Variants in FAF2 observed in about 807,000 individuals in gnomAD.
The protein encoded by FAF2 is Fas associated factor family member 2.
FAF2 carries 9 observed loss-of-function variants against 62.3 expected under a neutral mutation model. The ratio of observed to expected loss-of-function variants is 0.14; its 90% CI spans 0.09 to 0.25. The LOEUF is 0.25. Among genes scored for constraint, FAF2 ranks in the 10% least tolerant of loss-of-function variants. FAF2 has a pLI of 1.00. For missense variants in FAF2, 368 were observed against 556.2 expected, an observed-to-expected ratio of 0.66 and a Z score of 3.40; for synonymous variants, 202 against 198.0, an observed-to-expected ratio of 1.02 and a Z score of -0.17.
At chr5:176,458,778 T>C (rs1394768016) in intron 1 of FAF2, among the ~76,000 whole-genome samples, 1 of 152,198 alleles carries the variant, frequency 6.6e-6, no homozygotes, top group Admixed American at 6.6e-5. Context: ...TTGTACCTCA[T>C]GGTCTGACTT....
At position 176,507,115 on chromosome 5, in the gene FAF2, T is replaced by TG; in HGVS notation, c.*165_*166insG. ...AAGACTGCTGCATCCTTAGGAAGGA[T>TG]CAGAAACCATGCTGCCCGTAAGAGT... On this transcript the variant is annotated 3_prime_UTR_variant, in exon 11 of 11. Transcript: ENST00000261942. 2.9e-6 allele frequency: 1 copy of TG among 347,396 alleles called. No individual in the cohort carries two copies. The highest frequency in any genetic ancestry group is 4.5e-6 in the Non-Finnish European group (1 of 220,504). 21.5% of individuals were successfully genotyped at this position (347,396 alleles called of 1,614,324 possible).
chr5:176,476,970 C>T (rs1045493185), intron 1 of FAF2, among the ~76,000 whole-genome samples: 7 of 151,672 alleles, frequency 4.6e-5, no homozygotes, highest in East Asian at 1.9e-4. Flanking sequence ...CCACCATGCC[C>T]GGCTAATTTT....
rs531489830 is a variant in FAF2 at position 176,461,626 on chromosome 5, C to A, written c.63+13156C>A. 7.6e-4 allele frequency among the ~76,000 whole-genome samples: 115 copies of A among 151,694 alleles called. 1 individual carries two copies. Among genetic ancestry groups the A allele is most frequent in the Non-Finnish European group, 1.3e-3 (86 of 67,946 alleles). Reference sequence around the variant, plus strand: ...TACTGGTATGAGCCACTCGGCCTGGCTTTTGCCAGTTTTTTTTTAATGGGG... The same window carrying A: ...TACTGGTATGAGCCACTCGGCCTGGATTTTGCCAGTTTTTTTTTAATGGGG... On this transcript the variant is annotated intron_variant, in intron 1 of 10. Transcript: ENST00000261942.
intron 1 of FAF2, among the ~76,000 whole-genome samples, chr5:176,462,235 C>T (rs1758390883): frequency 6.6e-6 from 1 of 152,020 alleles, no homozygotes; most frequent in Admixed American, 6.6e-5. Context: ...GAGATCGCAA[C>T]ATTGCACTCC....
chr5:176,474,434 A>G (rs1758624890), intron 1 of FAF2, among the ~76,000 whole-genome samples: 1 of 150,442 alleles, frequency 6.6e-6, no homozygotes, highest in Non-Finnish European at 1.5e-5. Context: ...TTCATTTCCA[A>G]AGTTTCTTAG....
intron 1 of FAF2, among the ~76,000 whole-genome samples, chr5:176,473,165 A>G (rs1758604016): frequency 6.6e-6 from 1 of 152,180 alleles, no homozygotes. Context: ...TTTGTGTTCC[A>G]GGATCCCATT....
intron 1 of FAF2, among the ~76,000 whole-genome samples, chr5:176,461,496 T>A (rs900348725): frequency 3.3e-5 from 5 of 151,398 alleles, no homozygotes; most frequent in African/African-American, 4.9e-5. Context: ...TTTTTTTATT[T>A]TATTTTTTTT....
intron 1 of FAF2, among the ~76,000 whole-genome samples, chr5:176,460,888 GT>G (rs1043909762): frequency 6.6e-6 from 1 of 151,992 alleles, no homozygotes; most frequent in Admixed American, 6.6e-5. Flanking sequence ...GGAGATGGAG[GT>G]TGCAATGAGC....
intron 1 of FAF2, among the ~76,000 whole-genome samples, chr5:176,465,036 C>A (rs369404220): frequency 2.0e-4 from 30 of 152,132 alleles, no homozygotes; most frequent in African/African-American, 7.2e-4. Flanking sequence ...TATAGGCATG[C>A]GCCACTACCA....
Position 176,492,245 on chromosome 5 carries a change from C to A in FAF2, c.396C>A (p.Pro132=). ...ACCCTCGCAGCCGGGTCACTGACCC[C>A]GTTGGGGACATTGTTTCATTTATGC... ...RPDPRSRVTD[P]VGDIVSFMHS... Residue 132 remains proline, a synonymous_variant, in exon 5 of 11, where the codon CCC becomes CCA. Transcript: ENST00000261942. 1 of 1,614,096 alleles carries A rather than the reference C, an allele frequency of 6.2e-7. No homozygotes were observed. Among genetic ancestry groups the A allele is most frequent in the Non-Finnish European group, 8.5e-7 (1 of 1,180,010 alleles).
intron 1 of FAF2, among the ~76,000 whole-genome samples, chr5:176,468,786 A>G (rs1758513688): frequency 7.6e-6 from 1 of 130,728 alleles, no homozygotes; most frequent in South Asian, 2.2e-4. Context: ...CCAAAAAAAC[A>G]AAAAAAAAAA....
intron 1 of FAF2, among the ~76,000 whole-genome samples, chr5:176,461,069 G>A (rs1482767282): frequency 6.7e-6 from 1 of 150,236 alleles, no homozygotes; most frequent in Non-Finnish European, 1.5e-5. Context: ...CTGGAGTGCA[G>A]TAGTGCCATC....
chr5:176,468,150 A>C (rs981806852), intron 1 of FAF2, among the ~76,000 whole-genome samples: 1 of 152,142 alleles, frequency 6.6e-6, no homozygotes, highest in Non-Finnish European at 1.5e-5. Flanking sequence ...GGACGACAAG[A>C]GTGAGAATCT....
intron 1 of FAF2, among the ~76,000 whole-genome samples, chr5:176,476,721 C>T (rs1758698907): frequency 6.7e-6 from 1 of 149,344 alleles, no homozygotes; most frequent in African/African-American, 2.5e-5. Flanking sequence ...CAACCTCTGC[C>T]TCCTGGGTTC....
At chr5:176,448,764 C>A (rs913429198) in intron 1 of FAF2, among the ~76,000 whole-genome samples, 1 of 152,168 alleles carries the variant, frequency 6.6e-6, no homozygotes, top group African/African-American at 2.4e-5. Context: ...CTTCCCAGCC[C>A]GGTTATCGGT....
At chr5:176,487,381 C>A (rs1758894078) in intron 3 of FAF2, among the ~76,000 whole-genome samples, 1 of 152,072 alleles carries the variant, frequency 6.6e-6, no homozygotes, top group African/African-American at 2.4e-5. Flanking sequence ...TGGGGTCTTG[C>A]TATGTTGCCC....
rs116839662 is a variant in FAF2, at chr5:176,465,648, T to A, written c.64-13540T>A. Among the ~76,000 whole-genome samples the A allele has an allele frequency of 6.5e-3, 983 of 152,310 alleles. 15 individuals carry two copies. The highest frequency in any genetic ancestry group is 0.022 in the African/African-American group (926 of 41,576). ...TCCCAAAGTGCTGAAGTTACAGTTA[T>A]GAGCCACCATGCCCAGCCCAGAAAT... On this transcript the variant is annotated intron_variant, in intron 1 of 10. Coordinates refer to ENST00000261942, the MANE Select transcript of FAF2 (RefSeq NM_014613.3).
At chr5:176,498,820 TAC>T (rs141712320) in intron 8 of FAF2, 92 bp from the exon 9 acceptor site, 3,572 of 1,133,152 alleles carry the variant, frequency 3.2e-3, no homozygotes, top group South Asian at 5.0e-3. Flanking sequence ...TCAACATTTT[TAC>T]ACACACACAC....
chr5:176,451,827 T>TACATATATATATACACACATATATATAC (rs1758180594), intron 1 of FAF2, among the ~76,000 whole-genome samples: 1 of 44,574 alleles, frequency 2.2e-5, no homozygotes, highest in African/African-American at 8.4e-5. Context: ...TATATATATA[T>TACATATATATATACACACATATATATAC]ACATATATAT....
Sources: allele counts gnomAD v4.1 joint callset (sites outside exome capture counted in the v4.1 genomes callset), GRCh38; gene constraint gnomAD v4.1.1; transcripts MANE v1.5; gene names NCBI Gene and HGNC (gene_info 2026-07-23, HGNC 2026-07-21).